The following ARHGEF38 variants were observed in gnomAD, a reference collection of about 807,000 sequenced individuals.
ARHGEF38 encodes Rho guanine nucleotide exchange factor (GEF) 38.
In ARHGEF38, 79 loss-of-function variants were observed where a neutral mutation model predicts 79.9. That is an observed-to-expected ratio of 0.99 (90% CI 0.82 to 1.19). The LOEUF (loss-of-function observed/expected upper bound fraction) is 1.19. Ranked by LOEUF, ARHGEF38 falls within the 50% of genes most tolerant of loss-of-function variation. The pLI is 0.00. For missense variants in ARHGEF38, 962 were observed against 907.2 expected (o/e 1.06, Z -0.78); for synonymous variants, 366 against 328.3 (o/e 1.11, Z -1.24).
At chr4:105,636,255 A>T (rs1698129313) in intron 4 of ARHGEF38, 148 bp from the exon 5 acceptor site, 1 of 169,074 alleles carries the variant, frequency 5.9e-6, no homozygotes, top group Non-Finnish European at 1.3e-5. Context: ...GGACATGATT[A>T]TAAAATAATG....
chr4:105,565,032 G>C (rs989760889), intron 1 of ARHGEF38, among the ~76,000 whole-genome samples: 1 of 152,228 alleles, frequency 6.6e-6, no homozygotes, highest in Non-Finnish European at 1.5e-5. Flanking sequence ...GTGCTATGCT[G>C]ATCACTGTCG....
chr4:105,558,845 G>T (rs1343840874), intron 1 of ARHGEF38, among the ~76,000 whole-genome samples: 2 of 150,936 alleles, frequency 1.3e-5, no homozygotes, highest in Non-Finnish European at 3.0e-5. Flanking sequence ...AAAATTATGG[G>T]TTTATCAAAA....
At chr4:105,561,054 C>T (rs17431105) in intron 1 of ARHGEF38, among the ~76,000 whole-genome samples, 2,096 of 152,070 alleles carry the variant, frequency 0.014, 24 homozygotes, top group Middle Eastern at 0.044. Flanking sequence ...GTTTTTGTTC[C>T]CTGGCCTTTA....
At chr4:105,613,291 A>G in intron 2 of ARHGEF38, 93 bp from the exon 3 acceptor site, 1 of 1,401,834 alleles carries the variant, frequency 7.1e-7, no homozygotes, top group Non-Finnish European at 9.6e-7. Context: ...TGGAGACAGC[A>G]TGCGCTGGCA....
chr4:105,603,983 C>T (rs1242678148), intron 2 of ARHGEF38, among the ~76,000 whole-genome samples: 2 of 152,060 alleles, frequency 1.3e-5, no homozygotes, highest in East Asian at 3.9e-4. Flanking sequence ...GTTTTTTAAC[C>T]TTTTTGGTAT....
At chr4:105,633,321 G>C (rs1560735385) in intron 4 of ARHGEF38, among the ~76,000 whole-genome samples, 1 of 152,158 alleles carries the variant, frequency 6.6e-6, no homozygotes, top group Non-Finnish European at 1.5e-5. Context: ...GAGGGCAGTA[G>C]AATTATTGAC....
chr4:105,563,489 A>G (rs1018659866), intron 1 of ARHGEF38: 2 of 152,260 alleles, frequency 1.3e-5, no homozygotes, highest in Non-Finnish European at 1.5e-5. Flanking sequence ...CAACTTTGCA[A>G]ATAAGTTATT....
chr4:105,598,674 A>T (rs921077595), intron 2 of ARHGEF38, among the ~76,000 whole-genome samples: 8 of 148,554 alleles, frequency 5.4e-5, no homozygotes, highest in Non-Finnish European at 3.0e-5. Context: ...TTAGAACTCC[A>T]TTTTTTTTTT....
chr4:105,617,368 G>A (rs1578316098), intron 3 of ARHGEF38, among the ~76,000 whole-genome samples: 1 of 151,972 alleles, frequency 6.6e-6, no homozygotes, highest in Non-Finnish European at 1.5e-5. Flanking sequence ...ATGAAGTTGT[G>A]GAATTTATTA....
intron 2 of ARHGEF38, among the ~76,000 whole-genome samples, chr4:105,606,596 T>A (rs1364561246): frequency 1.3e-5 from 2 of 152,118 alleles, no homozygotes; most frequent in Non-Finnish European, 2.9e-5. Context: ...AATAAGACTT[T>A]AGCTAAGAGC....
chr4:105,580,530 C>A (rs1205775031), intron 1 of ARHGEF38, among the ~76,000 whole-genome samples: 2 of 152,066 alleles, frequency 1.3e-5, no homozygotes, highest in Admixed American at 6.6e-5. Context: ...TGGTTCTGGG[C>A]AATTTTCTTG....
At chr4:105,577,667 G>C (rs150407426) in intron 1 of ARHGEF38, among the ~76,000 whole-genome samples, 1 of 151,990 alleles carries the variant, frequency 6.6e-6, no homozygotes, top group Non-Finnish European at 1.5e-5. Flanking sequence ...AGGGTTGTAT[G>C]TTTCCAGGAA....
At chr4:105,580,986 T>C (rs1726760218) in intron 1 of ARHGEF38, among the ~76,000 whole-genome samples, 1 of 152,032 alleles carries the variant, frequency 6.6e-6, no homozygotes. Context: ...ATTCTGTTTG[T>C]TTTTTGGTGG....
intron 1 of ARHGEF38, among the ~76,000 whole-genome samples, chr4:105,579,490 A>G (rs766833155): frequency 2.6e-5 from 4 of 152,150 alleles, no homozygotes; most frequent in Non-Finnish European, 5.9e-5. Context: ...TCAGATGATC[A>G]TGTGGTTTTT....
intron 1 of ARHGEF38, among the ~76,000 whole-genome samples, chr4:105,570,648 G>A (rs1726177725): frequency 6.6e-6 from 1 of 152,082 alleles, no homozygotes; most frequent in Non-Finnish European, 1.5e-5. Flanking sequence ...GCAGCCTAGG[G>A]GTAACCATCC....
chr4:105,638,054 G>C (rs1303968703), intron 5 of ARHGEF38, among the ~76,000 whole-genome samples: 1 of 152,116 alleles, frequency 6.6e-6, no homozygotes, highest in Non-Finnish European at 1.5e-5. Context: ...TACTGCTACA[G>C]GAAAGGGCAA....
Position 105,680,022 on chromosome 4 carries a change from C to T in ARHGEF38, c.*2085C>T. 1.0e-6 allele frequency: 1 copy of T among 954,952 alleles called. No individual in the cohort carries two copies. Among genetic ancestry groups the T allele is most frequent in the South Asian group, 1.3e-5 (1 of 78,012 alleles). The allele number at this position is 954,952 out of a possible 1,614,324, so 59.2% of individuals were successfully genotyped here. On this transcript the variant is annotated 3_prime_UTR_variant, in exon 14 of 14. Transcript: ENST00000420470. ...GTTTTGTGCGGATTCATGGCCATGTCAGTTACATTCTTCTTCGTCTCACAG... is the reference window on the plus strand; with the variant it reads ...GTTTTGTGCGGATTCATGGCCATGTTAGTTACATTCTTCTTCGTCTCACAG...
chr4:105,569,129 A>G (rs1346784855), intron 1 of ARHGEF38, among the ~76,000 whole-genome samples: 3 of 152,250 alleles, frequency 2.0e-5, no homozygotes, highest in East Asian at 1.9e-4. Context: ...CTTTAGCAGG[A>G]CACAGCTGTT....
At chr4:105,578,027 T>C (rs1255498523) in intron 1 of ARHGEF38, among the ~76,000 whole-genome samples, 1 of 152,188 alleles carries the variant, frequency 6.6e-6, no homozygotes, top group Non-Finnish European at 1.5e-5. Context: ...ATTGTCAATT[T>C]GTGATCTTTT....
Sources: allele counts gnomAD v4.1 joint callset (sites outside exome capture counted in the v4.1 genomes callset), GRCh38; gene constraint gnomAD v4.1.1; transcripts MANE v1.5; gene names NCBI Gene and HGNC (gene_info 2026-07-23, HGNC 2026-07-21).